The following IPCEF1 variants were observed in gnomAD, a reference collection of about 807,000 sequenced individuals.
The protein encoded by IPCEF1 is interaction protein for cytohesin exchange factors 1.
IPCEF1 carries 31 observed loss-of-function variants against 50.9 expected under a neutral mutation model. That is an observed-to-expected ratio of 0.61 (90% confidence interval 0.46 to 0.82). IPCEF1 has a LOEUF of 0.82. Ranked by LOEUF, IPCEF1 falls within the 40% of genes least tolerant of loss-of-function variation. IPCEF1 has a pLI of 0.00. For missense variants in IPCEF1, 458 were observed against 514.0 expected, an observed-to-expected ratio of 0.89 and a Z score of 1.05; for synonymous variants, 181 against 192.0, an observed-to-expected ratio of 0.94 and a Z score of 0.47.
chr6:154,293,617 G>T (rs921855281), intron 1 of IPCEF1, among the ~76,000 whole-genome samples: 3 of 152,202 alleles, frequency 2.0e-5, no homozygotes, highest in African/African-American at 7.2e-5. Context: ...AAAGAAGCAG[G>T]AACAGACTCC....
At chr6:154,196,598 A>C (rs1776641636) in intron 10 of IPCEF1, among the ~76,000 whole-genome samples, 1 of 152,214 alleles carries the variant, frequency 6.6e-6, no homozygotes, top group Non-Finnish European at 1.5e-5. Context: ...CCACATTGTC[A>C]GCAGGTAGTG....
intron 3 of IPCEF1, among the ~76,000 whole-genome samples, chr6:154,254,492 A>C (rs1781413623): frequency 6.6e-6 from 1 of 152,212 alleles, no homozygotes; most frequent in Non-Finnish European, 1.5e-5. Context: ...CATGGTGGAA[A>C]CTGCTCCCAT....
intron 1 of IPCEF1, among the ~76,000 whole-genome samples, chr6:154,321,294 T>C (rs561299689): frequency 6.6e-6 from 1 of 152,208 alleles, no homozygotes; most frequent in African/African-American, 2.4e-5. Context: ...GTAATTCTGA[T>C]GCTTCAAATA....
In IPCEF1 at chr6:154,281,432, T is replaced by C. The variant is rs545336882; in HGVS notation, c.-18+8281A>G. Among the ~76,000 whole-genome samples, 7 of 151,924 alleles carry C rather than the reference T, an allele frequency of 4.6e-5. No individual in the cohort carries two copies. In the South Asian group the frequency reaches 1.2e-3, roughly 27 times the overall value. ...ATCCTAGCTACTTAGGAGGTTGAGA[T>C]GGAGGATCACTTGAGCCCAGGAGTT... is the stretch of plus-strand genomic sequence containing the variant. On this transcript the variant is annotated intron_variant, in intron 2 of 11. Coordinates refer to ENST00000367220, the MANE Select transcript of IPCEF1 (RefSeq NM_001130700.2).
chr6:154,342,627 G>A (rs989831208), intron 1 of IPCEF1, among the ~76,000 whole-genome samples: 1 of 152,092 alleles, frequency 6.6e-6, no homozygotes, highest in African/African-American at 2.4e-5. Context: ...AGGGTGAGGG[G>A]CTGAGGAGGG....
At chr6:154,160,887 G>GC (rs1276215068) in intron 11 of IPCEF1, among the ~76,000 whole-genome samples, 1 of 152,116 alleles carries the variant, frequency 6.6e-6, no homozygotes, top group African/African-American at 2.4e-5. Flanking sequence ...CGAGACCACT[G>GC]CCTCCAATGC....
At chr6:154,171,526 A>G (rs1309302324) in intron 10 of IPCEF1, among the ~76,000 whole-genome samples, 1 of 152,204 alleles carries the variant, frequency 6.6e-6, no homozygotes, top group Non-Finnish European at 1.5e-5. Flanking sequence ...TGTGATGCTG[A>G]AATGTTCCAA....
intron 8 of IPCEF1, 53 bp from the exon 9 acceptor site, chr6:154,212,908 A>C: frequency 8.3e-7 from 1 of 1,209,870 alleles, no homozygotes. Flanking sequence ...CGCTTATTCC[A>C]TAATGCATGA....
At chr6:154,187,459 C>T (rs1317356580) in intron 10 of IPCEF1, among the ~76,000 whole-genome samples, 1 of 152,184 alleles carries the variant, frequency 6.6e-6, no homozygotes, top group Non-Finnish European at 1.5e-5. Context: ...ATAAAAAGCA[C>T]TTGACAAATA....
intron 3 of IPCEF1, among the ~76,000 whole-genome samples, chr6:154,260,200 C>T (rs566546782): frequency 1.3e-5 from 2 of 152,342 alleles, no homozygotes; most frequent in Admixed American, 1.3e-4. Context: ...GTCCAGGCAA[C>T]AGCAAATAAC....
chr6:154,353,431 G>A (rs532621525), intron 1 of IPCEF1, among the ~76,000 whole-genome samples: 1 of 151,452 alleles, frequency 6.6e-6, no homozygotes, highest in South Asian at 2.1e-4. Context: ...GGGATTACGT[G>A]CGCCCGCACC....
intron 1 of IPCEF1, among the ~76,000 whole-genome samples, chr6:154,350,295 C>G (rs1366696633): frequency 6.6e-6 from 1 of 152,168 alleles, no homozygotes; most frequent in Non-Finnish European, 1.5e-5. Flanking sequence ...AATATCCCCC[C>G]CAAATAGACG....
intron 2 of IPCEF1, among the ~76,000 whole-genome samples, chr6:154,283,581 GA>G (rs1782283430): frequency 6.6e-6 from 1 of 152,140 alleles, no homozygotes. Context: ...CTGGGTGACA[GA>G]GTGAGACTCC....
At chr6:154,207,731 G>C (rs1777621418) in intron 9 of IPCEF1, among the ~76,000 whole-genome samples, 1 of 151,882 alleles carries the variant, frequency 6.6e-6, no homozygotes, top group Non-Finnish European at 1.5e-5. Context: ...TTTCCTTATT[G>C]CTTCTTTTGT....
chr6:154,279,302 A>G (rs1473943783), intron 2 of IPCEF1, among the ~76,000 whole-genome samples: 1 of 152,226 alleles, frequency 6.6e-6, no homozygotes, highest in East Asian at 1.9e-4. Flanking sequence ...TAAGACTTCA[A>G]TGAAGAAATC....
chr6:154,270,556 T>C (rs1201437911), intron 2 of IPCEF1, among the ~76,000 whole-genome samples: 1 of 152,230 alleles, frequency 6.6e-6, no homozygotes, highest in Non-Finnish European at 1.5e-5. Context: ...AGTCAAAATG[T>C]GTAGTATATC....
chr6:154,253,504 G>A (rs1781387630), intron 3 of IPCEF1, among the ~76,000 whole-genome samples: 1 of 152,166 alleles, frequency 6.6e-6, no homozygotes, highest in Non-Finnish European at 1.5e-5. Flanking sequence ...GAAGAAAAAT[G>A]CCACAATGTA....
chr6:154,277,084 C>T (rs1025200941), intron 2 of IPCEF1, among the ~76,000 whole-genome samples: 4 of 152,286 alleles, frequency 2.6e-5, no homozygotes, highest in African/African-American at 4.8e-5. Context: ...TTGGGAATTG[C>T]GCATCCTAGG....
At chr6:154,199,111 T>C (rs575807521) in intron 10 of IPCEF1, among the ~76,000 whole-genome samples, 4 of 152,384 alleles carry the variant, frequency 2.6e-5, no homozygotes, top group Admixed American at 6.5e-5. Flanking sequence ...AAATGTTTTC[T>C]GAACGCATGA....
Sources: allele counts gnomAD v4.1 joint callset (sites outside exome capture counted in the v4.1 genomes callset), GRCh38; gene constraint gnomAD v4.1.1; transcripts MANE v1.5; gene names NCBI Gene and HGNC (gene_info 2026-07-23, HGNC 2026-07-21).